OR52I2: variants seen among roughly 807,000 people sequenced by gnomAD.
OR52I2 encodes the protein olfactory receptor family 52 subfamily I member 2.
For missense variants in OR52I2, 350 were observed against 402.4 expected, an observed-to-expected ratio of 0.87 and a Z score of 1.11; for synonymous variants, 147 against 151.9, an observed-to-expected ratio of 0.97 and a Z score of 0.24.
At chr11:4,585,260 G>A (rs1310272291) in intron 1 of OR52I2, among the ~76,000 whole-genome samples, 3 of 152,144 alleles carry the variant, frequency 2.0e-5, no homozygotes, top group Admixed American at 1.3e-4. Flanking sequence ...AAGTATGCAG[G>A]ATTTGTAGGC....
exon 2 of OR52I2, chr11:4,591,236 A>C (rs866151474): frequency 6.6e-6 from 1 of 152,216 alleles, no homozygotes; most frequent in South Asian, 2.1e-4. Flanking sequence ...TCCACTACTC[A>C]GAGAGGAGCC....
chr11:4,582,434 A>ATTTTTTT lies in OR52I2; in HGVS notation c.-20+586_-20+592dup, dbSNP rs386372959. ...TTATTTTTATATTTATTTATTTTTCATTTTTTTTTTTTTTTTTTTTTTGAG... is the reference window on the plus strand; with the variant it reads ...TTATTTTTATATTTATTTATTTTTCATTTTTTTTTTTTTTTTTTTTTTTTTTTTTGAG... On this transcript the variant is annotated intron_variant, in intron 1 of 1. Transcript: ENST00000641896. Among the ~76,000 whole-genome samples the ATTTTTTT allele has an allele frequency of 9.4e-4, 91 of 96,446 alleles. 2 individuals carry two copies. Among genetic ancestry groups the ATTTTTTT allele is most frequent in the African/African-American group, 1.2e-3 (28 of 23,470 alleles). 63.3% of individuals were successfully genotyped at this position (96,446 alleles called of 152,430 possible). A position where few individuals can be genotyped will look rare whatever the true frequency, so the allele number is the denominator to read the frequency against.
chr11:4,589,533 T>A (rs1846335216), exon 2 of OR52I2: 2 of 152,142 alleles, frequency 1.3e-5, no homozygotes, highest in Non-Finnish European at 2.9e-5. Flanking sequence ...ACTCTTCCTA[T>A]ACAGGGCTGT....
intron 1 of OR52I2, 138 bp downstream of exon 1, chr11:4,582,002 G>T (rs1226137857): frequency 6.6e-6 from 1 of 152,230 alleles, no homozygotes; most frequent in African/African-American, 2.4e-5. Context: ...GTCTAGGTCT[G>T]GTGGTATATC....
chr11:4,591,898 T>C (rs969014995), exon 2 of OR52I2: 5 of 152,154 alleles, frequency 3.3e-5, no homozygotes, highest in East Asian at 1.9e-4. Flanking sequence ...AACTTGAGAA[T>C]TGACCTATAA....
In OR52I2 at chr11:4,587,797, C is replaced by T. The variant is rs772464777; in HGVS notation, c.907C>T (p.Gln303Ter). Residue 303 changes from glutamine (Q) to a stop codon, truncating the protein, a stop_gained, in exon 2 of 2, where the codon CAA (glutamine) becomes TAA (stop). Transcript: ENST00000641896. LOFTEE classifies it low-confidence loss of function (END_TRUNC). The stretch of plus-strand genomic sequence containing the variant: ...CATCATCTATGGCATGAGGACCAAA[C>T]AACTGCGGGAGAGAATATGGAGTTA... The T allele has an allele frequency of 6.2e-7, 1 of 1,614,118 alleles. No homozygotes were observed. Among genetic ancestry groups the T allele is most frequent in the South Asian group, 1.1e-5 (1 of 91,086 alleles).
At chr11:4,586,157 T>G (rs546145968) in intron 1 of OR52I2, among the ~76,000 whole-genome samples, 1 of 152,212 alleles carries the variant, frequency 6.6e-6, no homozygotes, top group African/African-American at 2.4e-5. Flanking sequence ...GGATTATATT[T>G]CCAGGTACTT....
chr11:4,592,370 G>A (rs1332706367), exon 2 of OR52I2: 8 of 152,160 alleles, frequency 5.3e-5, no homozygotes, highest in African/African-American at 1.9e-4. Flanking sequence ...ATCTAGAACC[G>A]ATGCTTTTTG....
exon 2 of OR52I2, chr11:4,589,238 T>G (rs2133189022): frequency 6.6e-6 from 1 of 152,338 alleles, no homozygotes; most frequent in South Asian, 2.1e-4. Context: ...TGATTGAGTA[T>G]CCAGAGGGAA....
At chr11:4,588,211 A>C in exon 2 of OR52I2, 2 of 262,838 alleles carry the variant, frequency 7.6e-6, no homozygotes, top group South Asian at 6.8e-5. Flanking sequence ...AAAGACAACA[A>C]AGACCGCTCA....
intron 1 of OR52I2, among the ~76,000 whole-genome samples, chr11:4,585,582 G>A (rs1357963601): frequency 1.3e-5 from 2 of 152,152 alleles, no homozygotes; most frequent in Non-Finnish European, 2.9e-5. Context: ...GATGGTGAAT[G>A]CAGCAATAAA....
At chr11:4,582,155 A>G (rs1846262230) in intron 1 of OR52I2, among the ~76,000 whole-genome samples, 2 of 152,300 alleles carry the variant, frequency 1.3e-5, no homozygotes, top group Admixed American at 6.5e-5. Flanking sequence ...AGGGACCAAG[A>G]GAAGTTATAA....
At chr11:4,589,297 T>C (rs1242908276) in exon 2 of OR52I2, 1 of 152,228 alleles carries the variant, frequency 6.6e-6, no homozygotes, top group Non-Finnish European at 1.5e-5. Flanking sequence ...TGACTCTCCA[T>C]TGTTTGTTCG....
intron 1 of OR52I2, among the ~76,000 whole-genome samples, chr11:4,582,708 T>TA (rs1846267994): frequency 6.6e-6 from 1 of 152,158 alleles, no homozygotes; most frequent in African/African-American, 2.4e-5. Context: ...GTGCTGGGAT[T>TA]ACAGGCTGAG....
exon 2 of OR52I2, chr11:4,592,677 A>C (rs556206391): frequency 5.3e-5 from 8 of 152,212 alleles, no homozygotes; most frequent in Non-Finnish European, 7.3e-5. Context: ...GCTATCACAC[A>C]GGAATAGAAT....
At chr11:4,591,334 T>A (rs1846349107) in exon 2 of OR52I2, 1 of 152,214 alleles carries the variant, frequency 6.6e-6, no homozygotes, top group Admixed American at 6.5e-5. Context: ...AAGTCCTTTT[T>A]TTCAGGAGAG....
chr11:4,586,266 A>AT (rs368645764), intron 1 of OR52I2, among the ~76,000 whole-genome samples: 1,915 of 152,154 alleles, frequency 0.013, 22 homozygotes, highest in Middle Eastern at 0.034. Context: ...CTTCTTTCAT[A>AT]TTTTTTTATA....
exon 2 of OR52I2, chr11:4,588,140 A>G (rs1159548270): frequency 2.4e-6 from 1 of 412,848 alleles, no homozygotes; most frequent in Non-Finnish European, 4.4e-6. Flanking sequence ...GGAATGTGCT[A>G]GGTTAGGCTG....
exon 2 of OR52I2, chr11:4,591,625 A>G (rs1846351133): frequency 6.7e-6 from 1 of 148,472 alleles, no homozygotes; most frequent in African/African-American, 2.6e-5. Flanking sequence ...GCATATGCCC[A>G]CGTCCTAAGG....
Sources: allele counts gnomAD v4.1 joint callset (sites outside exome capture counted in the v4.1 genomes callset), GRCh38; gene constraint gnomAD v4.1.1; transcripts MANE v1.5; gene names NCBI Gene and HGNC (gene_info 2026-07-23, HGNC 2026-07-21).